Variants in CDK18 observed in about 807,000 individuals in gnomAD.
CDK18 encodes the protein cyclin dependent kinase 18.
Under a neutral mutation model 62.0 loss-of-function variants are expected in CDK18, and 52 were observed. That is an observed-to-expected ratio of 0.84 (90% CI 0.67 to 1.06). The LOEUF (loss-of-function observed/expected upper bound fraction) is 1.06, where lower values mean the gene tolerates loss of function less well. Ranked by LOEUF, CDK18 falls within the 50% of genes least tolerant of loss-of-function variation. The pLI, the probability that CDK18 is intolerant of heterozygous loss-of-function variation, is 0.00. For synonymous variants in CDK18, 237 were observed against 247.0 expected (o/e 0.96, Z 0.38); for missense variants, 604 against 619.9 (o/e 0.97, Z 0.27).
intron 1 of CDK18, among the ~76,000 whole-genome samples, chr1:205,521,386 G>A (rs1442828127): frequency 6.6e-6 from 1 of 152,168 alleles, no homozygotes; most frequent in African/African-American, 2.4e-5. Context: ...TAATTTTTTT[G>A]TATTTTTAGT....
Position 205,529,011 on chromosome 1 carries a change from C to T in CDK18, c.987C>T (p.Cys329=). 1 of 1,588,116 alleles carries T rather than the reference C, an allele frequency of 6.3e-7. No homozygotes were observed. Among genetic ancestry groups the T allele is most frequent in the Non-Finnish European group, 8.6e-7 (1 of 1,167,542 alleles). Reference sequence around the variant, plus strand: ...TTGCTCCTCGCAGGGGCGTGGGCTGCATCCACTACGAGATGGCCACAGGGA... The same window carrying T: ...TTGCTCCTCGCAGGGGCGTGGGCTGTATCCACTACGAGATGGCCACAGGGA... ...STPIDMWGVG[C]IHYEMATGRP... The change falls in exon 11 of 16, where the codon TGC becomes TGT. Residue 329 remains cysteine, a synonymous_variant. Coordinates refer to ENST00000429964, the MANE Select transcript of CDK18 (RefSeq NM_212502.3).
chr1:205,507,648 A>T (rs55691619), intron 1 of CDK18, among the ~76,000 whole-genome samples: 39 of 131,820 alleles, frequency 3.0e-4, no homozygotes, highest in Middle Eastern at 4.4e-3. Context: ...AAAAAAAAAA[A>T]AAAAAAAAAA....
At position 205,529,703 on chromosome 1, in the gene CDK18, CA is replaced by C. The variant is rs1341599909; in HGVS notation, c.1221+142del. 9 of 1,547,054 alleles carry C rather than the reference CA, an allele frequency of 5.8e-6. 1 individual carries two copies. In the South Asian group the frequency reaches 1.1e-4, roughly 18 times the overall value. On this transcript the variant is annotated intron_variant, in intron 13 of 15. Coordinates refer to ENST00000429964, the MANE Select transcript of CDK18 (RefSeq NM_212502.3). ...ACATCTCCCCTGTACTCTCCACCCC[CA>C]AGGCCAAGGGGTGGCCTCCATACAC...
intron 1 of CDK18, among the ~76,000 whole-genome samples, chr1:205,513,965 G>A (rs997810964): frequency 6.6e-6 from 1 of 152,214 alleles, no homozygotes. Flanking sequence ...AGAGGGTCAG[G>A]TTTCAGCTGA....
At chr1:205,513,381 C>G (rs1442095964) in intron 1 of CDK18, among the ~76,000 whole-genome samples, 1 of 152,228 alleles carries the variant, frequency 6.6e-6, no homozygotes, top group Non-Finnish European at 1.5e-5. Context: ...AGGACCAGAA[C>G]TGACAGAAGG....
chr1:205,529,222 C>T, intron 11 of CDK18, 102 bp from the exon 12 acceptor site: 7 of 1,351,592 alleles, frequency 5.2e-6, no homozygotes, highest in Non-Finnish European at 6.2e-6. Flanking sequence ...CCCCCTGTGG[C>T]CTCGGCCATC....
At chr1:205,514,172 C>G (rs1667706812) in intron 1 of CDK18, among the ~76,000 whole-genome samples, 3 of 152,196 alleles carry the variant, frequency 2.0e-5, no homozygotes, top group Admixed American at 2.0e-4. Context: ...CTTGGGATGT[C>G]AGAAAGCTGT....
chr1:205,530,112 T>C (rs1440029797), intron 13 of CDK18, 147 bp from the exon 14 acceptor site: 2 of 1,461,486 alleles, frequency 1.4e-6, no homozygotes, highest in Admixed American at 4.9e-5. Flanking sequence ...GTTGGGTTTG[T>C]GGTAGGGGCT....
chr1:205,528,248 C>T lies in CDK18; in HGVS notation c.974+80C>T, dbSNP rs974347204. ...AGACTCTCCTTTGCTTCCCCAAGGGCCTCGGGGAAGAACTGCCTAACTTCC... is the reference window on the plus strand; with the variant it reads ...AGACTCTCCTTTGCTTCCCCAAGGGTCTCGGGGAAGAACTGCCTAACTTCC... On this transcript the variant is annotated intron_variant, in intron 10 of 15. Coordinates refer to ENST00000429964, the MANE Select transcript of CDK18 (RefSeq NM_212502.3). The surrounding 1 kb of genome is among the most constrained non-coding windows in gnomAD (Gnocchi z 4.2). The T allele has an allele frequency of 1.0e-5, 16 of 1,535,120 alleles. No individual in the cohort carries two copies. The African/African-American group carries it at 2.2e-4, about 21-fold the overall frequency.
intron 1 of CDK18, among the ~76,000 whole-genome samples, chr1:205,509,388 G>C (rs1241054250): frequency 6.6e-6 from 1 of 152,062 alleles, no homozygotes; most frequent in Non-Finnish European, 1.5e-5. Context: ...TGGCTGGCTG[G>C]TGCACTCATC....
chr1:205,530,627 G>A lies in CDK18; in HGVS notation c.1313-1G>A. On this transcript the variant is annotated splice_acceptor_variant, in intron 14 of 15. Coordinates refer to ENST00000429964, the MANE Select transcript of CDK18 (RefSeq NM_212502.3). LOFTEE classifies it high-confidence loss of function. ...CCAGACTATGCACTTCTCTCCCCCA[G>A]CTGCCTCCATCTTCTCCCTGAAGGA... is the stretch of plus-strand genomic sequence containing the variant. The A allele has an allele frequency of 6.2e-7, 1 of 1,613,938 alleles. No homozygotes were observed.
chr1:205,518,724 G>A (rs1667958091), intron 1 of CDK18, among the ~76,000 whole-genome samples: 1 of 152,224 alleles, frequency 6.6e-6, no homozygotes, highest in Non-Finnish European at 1.5e-5. Flanking sequence ...CATTCTGGGA[G>A]GCCAGCCCTG....
At chr1:205,519,909 G>A (rs1360003199) in intron 1 of CDK18, among the ~76,000 whole-genome samples, 1 of 152,164 alleles carries the variant, frequency 6.6e-6, no homozygotes, top group Non-Finnish European at 1.5e-5. Flanking sequence ...AATCCAACAT[G>A]CCATCCCATA....
At chr1:205,530,474 T>G in intron 14 of CDK18, 125 bp downstream of exon 14, 2 of 1,209,120 alleles carry the variant, frequency 1.7e-6, no homozygotes, top group South Asian at 1.3e-5. Flanking sequence ...CCCGGGCACC[T>G]TGCCTCCCCT....
Position 205,526,762 on chromosome 1 carries a change from C to T in CDK18, c.667-13C>T, listed in dbSNP as rs751556589. 2 of 1,539,672 alleles carry T rather than the reference C, an allele frequency of 1.3e-6. No individual in the cohort carries two copies. The highest frequency in any genetic ancestry group is 1.1e-5 in the South Asian group (1 of 89,374). ...CAGCGTGGGGCAGGACTGAGCCACGCTCTGTGTTCCAGGACAGTGACCTGA... is the reference window on the plus strand; with the variant it reads ...CAGCGTGGGGCAGGACTGAGCCACGTTCTGTGTTCCAGGACAGTGACCTGA... On this transcript the variant is annotated splice_polypyrimidine_tract_variant and intron_variant, in intron 7 of 15. Coordinates refer to ENST00000429964, the MANE Select transcript of CDK18 (RefSeq NM_212502.3).
intron 5 of CDK18, 97 bp from the exon 6 acceptor site, chr1:205,525,968 C>T: frequency 5.0e-6 from 4 of 792,346 alleles, no homozygotes; most frequent in Admixed American, 4.9e-5. Context: ...CACTCAGGCC[C>T]CAGTCGTAGC....
At position 205,526,412 on chromosome 1, in the gene CDK18, A is replaced by G. The variant is rs1409161333; in HGVS notation, c.617A>G (p.His206Arg). The part of the protein sequence containing the change: ...NLKHANIVTL[H>R]DLIHTDRSLT... ...AAGCACGCCAATATTGTGACCCTGC[A>G]TGACCTCATCCACACAGATCGGTCC... The change falls in exon 7 of 16, where the codon CAT becomes CGT. Residue 206 changes from histidine to arginine, a missense_variant. By Grantham distance (29) the His-to-Arg change is conservative. Transcript: ENST00000429964. 1.2e-6 allele frequency: 2 copies of G among 1,614,020 alleles called. No individual in the cohort carries two copies. The highest frequency in any genetic ancestry group is 1.7e-5 in the Admixed American group (1 of 60,004).
At chr1:205,506,186 AGGGCGACACTGGCTCCAGGTCC>A (rs1667297980) in intron 1 of CDK18, among the ~76,000 whole-genome samples, 1 of 152,170 alleles carries the variant, frequency 6.6e-6, no homozygotes, top group Non-Finnish European at 1.5e-5. Flanking sequence ...GGTGGAGTAC[AGGGCGACACTGGCTCCAGGTCC>A]GGGTTTGCAT....
Position 205,517,915 on chromosome 1 carries a change from T to A in CDK18, c.-21-5232T>A, listed in dbSNP as rs1021067405. ...TCATGTCACTCATCCGTTCAAACCC[T>A]CCTTACCCCTCGAGGCCCAACACAG... On this transcript the variant is annotated intron_variant, in intron 1 of 15. Transcript: ENST00000429964. This position sits in a 1 kb window ranked among gnomAD's most constrained non-coding sequence, Gnocchi z 4.1. Among the ~76,000 whole-genome samples the A allele has an allele frequency of 6.6e-6, 1 of 152,046 alleles. No homozygotes were observed. Among genetic ancestry groups the A allele is most frequent in the Non-Finnish European group, 1.5e-5 (1 of 68,004 alleles).
Sources: allele counts gnomAD v4.1 joint callset (sites outside exome capture counted in the v4.1 genomes callset), GRCh38; gene constraint gnomAD v4.1.1; non-coding constraint Gnocchi (gnomAD v3.1); transcripts MANE v1.5; gene names NCBI Gene and HGNC (gene_info 2026-07-23, HGNC 2026-07-21).